PRODH: variants seen among roughly 807,000 people sequenced by gnomAD.
The protein encoded by PRODH is proline dehydrogenase 1.
For missense variants in PRODH, 3 were observed against 24.1 expected (o/e 0.12, Z 1.83); for synonymous variants, 3 against 10.4 (o/e 0.29, Z 1.37).
chr22:18,919,679 A>C (rs112626099), intron 9 of PRODH, 27 bp downstream of exon 9: 3 of 14,460 alleles, frequency 2.1e-4, no homozygotes, highest in South Asian at 1.1e-3. Context: ...AGTCCCAGGT[A>C]CCCTCTGCCC....
rs61756443 is a variant in PRODH, at chr22:18,913,170, G to A, written c.*5C>T. On this transcript the variant is annotated 3_prime_UTR_variant, in exon 14 of 14. Coordinates refer to ENST00000357068, the MANE Select transcript of PRODH (RefSeq NM_016335.6). ...TGCTGGAGGCTAAGGGTGTGCTGGC[G>A]GGTGCTAGGCAGGGCGATGGAAGAG... 9.1e-6 allele frequency: 2 copies of A among 218,810 alleles called. 1 individual carries two copies. The allele number at this position is 218,810 out of a possible 1,614,324, so 13.6% of individuals were successfully genotyped here.
Position 18,918,152 on chromosome 22 carries a change from C to T in PRODH, c.1427+164G>A, listed in dbSNP as rs572119256. On this transcript the variant is annotated intron_variant, in intron 11 of 13. Coordinates refer to ENST00000357068, the MANE Select transcript of PRODH (RefSeq NM_016335.6). ...TTTTCTATATTTATAAAAGAATAAC[C>T]TTAATGCTTTTGAAAAAGTAACACA... Among the ~76,000 whole-genome samples, 79 of 109,692 alleles carry T rather than the reference C, an allele frequency of 7.2e-4. 19 individuals are homozygous for T. The highest frequency in any genetic ancestry group is 1.4e-3 in the Non-Finnish European group (64 of 46,194). 72.0% of individuals were successfully genotyped at this position (109,692 alleles called of 152,430 possible).
rs779888677 is a variant in PRODH, at chr22:18,918,337, G to A, written c.1406C>T (p.Ala469Val). The A allele has an allele frequency of 4.2e-5, 8 of 191,262 alleles. No individual in the cohort carries two copies. The highest frequency in any genetic ancestry group is 3.2e-4 in the East Asian group (7 of 21,962). The allele number at this position is 191,262 out of a possible 1,614,324, so 11.8% of individuals were successfully genotyped here. ...GCACCTGTGGTACATGGCGTTGGTG[G>A]CCTCGTACGTGGGGTTGATGGGGTC... Reference protein sequence around the residue: ...YEDPINPTYEATNAMYHRCLD... With the variant: ...YEDPINPTYEVTNAMYHRCLD... The change falls in exon 11 of 14, where the codon GCC becomes GTC. Residue 469 changes from alanine (A) to valine (V), a missense_variant. Transcript: ENST00000357068.
Position 18,915,297 on chromosome 22 carries a change from G to A in PRODH, c.1526+1593C>T, listed in dbSNP as rs1325153967. ...CACAGGGCCCTTGGGGCCAAGAGGA[G>A]AGAGCCCGGCTGCCACTCAGGGGAG... On this transcript the variant is annotated intron_variant, in intron 12 of 13. Coordinates refer to ENST00000357068, the MANE Select transcript of PRODH (RefSeq NM_016335.6). 2 of 35,322 alleles carry A rather than the reference G, an allele frequency of 5.7e-5. 1 individual carries two copies. Among genetic ancestry groups the A allele is most frequent in the Non-Finnish European group, 2.2e-4 (2 of 8,898 alleles). 2.2% of individuals were successfully genotyped at this position (35,322 alleles called of 1,614,324 possible).
Position 18,918,385 on chromosome 22 carries a change from C to T in PRODH, c.1358G>A (p.Arg453His), listed in dbSNP as rs1427991351. Residue 453 changes from arginine to histidine, a missense_variant, in exon 11 of 14, where the codon CGT becomes CAT. Arg to His is a conservative substitution (Grantham distance 29). Coordinates refer to ENST00000357068, the MANE Select transcript of PRODH (RefSeq NM_016335.6). ...RGAYLAQERA[R>H]AAEIGYEDPI... is the part of the protein sequence containing the mutation. ...GTCCTCATAGCCGATCTCTGCCGCA[C>T]GGGCTCGCTCCTGGGCCAGGTATGC... 8.7e-6 allele frequency: 2 copies of T among 230,074 alleles called. No individual in the cohort carries two copies. Among genetic ancestry groups the T allele is most frequent in the East Asian group, 3.8e-5 (1 of 26,252 alleles). The allele number at this position is 230,074 out of a possible 1,614,324, so 14.3% of individuals were successfully genotyped here.
chr22:18,926,054 A>G (rs2081975016), intron 2 of PRODH, among the ~76,000 whole-genome samples: 1 of 125,072 alleles, frequency 8.0e-6, no homozygotes, highest in African/African-American at 2.6e-5. Context: ...TCCAAGACAG[A>G]GCCAGTCAGG....
intron 2 of PRODH, among the ~76,000 whole-genome samples, chr22:18,928,554 T>C (rs1186384228): frequency 1.1e-4 from 1 of 9,182 alleles, no homozygotes; most frequent in African/African-American, 3.6e-4. Context: ...TGTACCCCCC[T>C]CCCCAGCTCC....
intron 2 of PRODH, among the ~76,000 whole-genome samples, chr22:18,928,404 A>AC (rs1298294533): frequency 4.3e-5 from 1 of 23,088 alleles, no homozygotes; most frequent in African/African-American, 1.3e-4. Flanking sequence ...GACCCTGACC[A>AC]CCCCCTCAGC....
In PRODH at chr22:18,917,535, C is replaced by T. The variant is rs2081937880; in HGVS notation, c.1428-547G>A. On this transcript the variant is annotated intron_variant, in intron 11 of 13. Transcript: ENST00000357068. ...CATTTCCAGCAACCTAGGACAGCTG[C>T]ATCCTCAGACACAAAACCCCTGACG... Among the ~76,000 whole-genome samples the T allele has an allele frequency of 6.1e-5, 2 of 32,808 alleles. 1 individual carries two copies. Among genetic ancestry groups the T allele is most frequent in the African/African-American group, 1.0e-4 (2 of 19,170 alleles). The allele number at this position is 32,808 out of a possible 152,430, so 21.5% of individuals were successfully genotyped here.
In PRODH at chr22:18,919,551, GTCTGCTCGGCA is replaced by G; in HGVS notation, c.1140_1150del (p.Ala381LeufsTer37). 2.3e-5 allele frequency: 1 copy of G among 43,994 alleles called. No individual in the cohort carries two copies. The highest frequency in any genetic ancestry group is 4.6e-5 in the Non-Finnish European group (1 of 21,564). The allele number at this position is 43,994 out of a possible 1,614,324, so 2.7% of individuals were successfully genotyped here. A position where few individuals can be genotyped will look rare whatever the true frequency, so the allele number is the denominator to read the frequency against. ...GCGGCTGATGGCCGGCTGGAAGTAG[GTCTGCTCGGCA>G]TCCACCATCAGCCGCACGCCCATCT... On this transcript the variant is annotated frameshift_variant, in exon 10 of 14. Transcript: ENST00000357068. LOFTEE classifies it high-confidence loss of function.
chr22:18,933,284 C>CT (rs752476710), intron 1 of PRODH, among the ~76,000 whole-genome samples: 113 of 99,520 alleles, frequency 1.1e-3, no homozygotes, highest in Non-Finnish European at 1.7e-3. Flanking sequence ...TTTATTTTTT[C>CT]TTTTTTTTGA....
Position 18,917,069 on chromosome 22 carries a change from C to T in PRODH, c.1428-81G>A, listed in dbSNP as rs1299345911. On this transcript the variant is annotated intron_variant, in intron 11 of 13. Coordinates refer to ENST00000357068, the MANE Select transcript of PRODH (RefSeq NM_016335.6). ...ATTACCAGCTGCACAGAGAGGAGGCCGAGGGCAGACCCAGATCCATCCATT... is the reference window on the plus strand; with the variant it reads ...ATTACCAGCTGCACAGAGAGGAGGCTGAGGGCAGACCCAGATCCATCCATT... The T allele has an allele frequency of 2.4e-5, 3 of 123,528 alleles. 1 individual carries two copies. Among genetic ancestry groups the T allele is most frequent in the African/African-American group, 9.7e-5 (3 of 30,964 alleles). The allele number at this position is 123,528 out of a possible 1,614,324, so 7.7% of individuals were successfully genotyped here.
intron 10 of PRODH, among the ~76,000 whole-genome samples, chr22:18,919,184 C>CT (rs2081947255): frequency 3.4e-5 from 3 of 88,432 alleles, no homozygotes; most frequent in Non-Finnish European, 5.4e-5. Context: ...GGCAGTCACC[C>CT]TGGCCTCAGC....
chr22:18,933,209 A>AGCC (rs1199799156), intron 1 of PRODH, among the ~76,000 whole-genome samples: 2 of 51,440 alleles, frequency 3.9e-5, no homozygotes, highest in Admixed American at 2.5e-4. Context: ...GGCTCAAGCG[A>AGCC]CACTCCTATC....
At position 18,913,790 on chromosome 22, in the gene PRODH, T is replaced by C. The variant is rs1442900828; in HGVS notation, c.1527-264A>G. On this transcript the variant is annotated intron_variant, in intron 12 of 13. Transcript: ENST00000357068. ...GCCTCAGCCCTTGGCCAACAAGGCC[T>C]CCCACCTGCTTTCCCTCCCCTCTCC... is the stretch of plus-strand genomic sequence containing the variant. The C allele has an allele frequency of 3.0e-5, 2 of 67,620 alleles. 1 individual carries two copies. Among genetic ancestry groups the C allele is most frequent in the African/African-American group, 1.6e-4 (2 of 12,630 alleles). The allele number at this position is 67,620 out of a possible 1,614,324, so 4.2% of individuals were successfully genotyped here. A position where few individuals can be genotyped will look rare whatever the true frequency, so the allele number is the denominator to read the frequency against.
chr22:18,918,295 A>AG (rs1247566649), intron 11 of PRODH, 21 bp downstream of exon 11: 1 of 93,748 alleles, frequency 1.1e-5, no homozygotes, highest in East Asian at 1.2e-4. Context: ...GAGAAGACAG[A>AG]GGGGTGGGAG....
chr22:18,918,072 T>C (rs1212877235), intron 11 of PRODH, among the ~76,000 whole-genome samples: 1 of 113,758 alleles, frequency 8.8e-6, no homozygotes, highest in East Asian at 2.1e-4. Context: ...TGGATCTAAG[T>C]GTCTGCAGGA....
rs375115 is a variant in PRODH, at chr22:18,917,093, T to G, written c.1428-105A>C. The G allele has an allele frequency of 2.1e-4, 25 of 121,932 alleles. 8 individuals are homozygous for G. Among genetic ancestry groups the G allele is most frequent in the African/African-American group, 8.0e-4 (25 of 31,110 alleles). 7.6% of individuals were successfully genotyped at this position (121,932 alleles called of 1,614,324 possible). ...CCGAGGGCAGACCCAGATCCATCCA[T>G]TGAGCTGGCTCTTTCCAAGGGTATC... is the stretch of plus-strand genomic sequence containing the variant. On this transcript the variant is annotated intron_variant, in intron 11 of 13. Transcript: ENST00000357068.
In PRODH at chr22:18,914,303, T is replaced by A. The variant is rs528409581; in HGVS notation, c.1527-777A>T. On this transcript the variant is annotated intron_variant, in intron 12 of 13. Transcript: ENST00000357068. ...TTACAGATGTGGCTTGCATTATATATCTATTAGCACTGCTCAGATACTGGG... is the reference window on the plus strand; with the variant it reads ...TTACAGATGTGGCTTGCATTATATAACTATTAGCACTGCTCAGATACTGGG... 83 of 34,556 alleles carry A rather than the reference T, an allele frequency of 2.4e-3. 33 individuals are homozygous for A. Among genetic ancestry groups the A allele is most frequent in the African/African-American group, 3.8e-3 (78 of 20,426 alleles). The allele number at this position is 34,556 out of a possible 1,614,324, so 2.1% of individuals were successfully genotyped here.
Sources: gnomAD v4.1 joint callset for allele counts (sites outside exome capture counted in the v4.1 genomes callset) on GRCh38, gnomAD v4.1.1 for gene constraint, MANE v1.5 for transcripts, NCBI Gene and HGNC (gene_info 2026-07-23, HGNC 2026-07-21) for gene names.